Variants in MVB12B observed in about 807,000 individuals in gnomAD.
MVB12B encodes the protein multivesicular body subunit 12B.
MVB12B carries 16 observed loss-of-function variants against 41.6 expected under a neutral mutation model. That is an observed-to-expected ratio of 0.38 (90% CI 0.26 to 0.58). The LOEUF is 0.58. Ranked by LOEUF, MVB12B falls within the 20% of genes least tolerant of loss-of-function variation. The probability of loss-of-function intolerance (pLI) is 0.62; values close to 1 mark genes in which losing one functional copy is unlikely to be tolerated. For missense variants in MVB12B, 274 were observed against 380.2 expected, an observed-to-expected ratio of 0.72 and a Z score of 2.32; for synonymous variants, 133 against 139.7, an observed-to-expected ratio of 0.95 and a Z score of 0.34.
chr9:126,463,625 A>T (rs1232523321), intron 7 of MVB12B, among the ~76,000 whole-genome samples: 1 of 152,030 alleles, frequency 6.6e-6, no homozygotes, highest in Non-Finnish European at 1.5e-5. Context: ...AAGGAGGAAG[A>T]AGTCTGGGGC....
chr9:126,366,149 CCCTT>C (rs1830175560), intron 2 of MVB12B, among the ~76,000 whole-genome samples: 1 of 152,066 alleles, frequency 6.6e-6, no homozygotes, highest in Non-Finnish European at 1.5e-5. Flanking sequence ...CCGCCACCCT[CCCTT>C]CATCTCACCA....
chr9:126,336,709 C>G (rs1829289014), intron 1 of MVB12B, among the ~76,000 whole-genome samples: 1 of 151,914 alleles, frequency 6.6e-6, no homozygotes, highest in Non-Finnish European at 1.5e-5. Context: ...CCCAGCTTTC[C>G]CATTCCGTAC....
intron 6 of MVB12B, among the ~76,000 whole-genome samples, chr9:126,404,235 G>A (rs1226375087): frequency 2.0e-5 from 3 of 152,104 alleles, no homozygotes; most frequent in Non-Finnish European, 4.4e-5. Flanking sequence ...GACTACAGGC[G>A]TGAGCCACCA....
chr9:126,396,090 G>A (rs1831105176), intron 6 of MVB12B: 1 of 1,009,508 alleles, frequency 9.9e-7, no homozygotes, highest in Non-Finnish European at 1.2e-6. Flanking sequence ...GAGGGTAGGT[G>A]AGTTCTTATA....
At chr9:126,410,267 C>T (rs1306047337) in intron 6 of MVB12B, among the ~76,000 whole-genome samples, 1 of 152,024 alleles carries the variant, frequency 6.6e-6, no homozygotes, top group African/African-American at 2.4e-5. Context: ...TTGCATTGGT[C>T]GTGGCAAATG....
At chr9:126,336,566 AT>A in intron 1 of MVB12B, among the ~76,000 whole-genome samples, 1 of 152,330 alleles carries the variant, frequency 6.6e-6, no homozygotes, top group East Asian at 1.9e-4. Flanking sequence ...CCCAAGCGCT[AT>A]CTGCAGCACT....
intron 9 of MVB12B, 58 bp downstream of exon 9, chr9:126,484,090 GTC>G (rs1833585360): frequency 6.6e-7 from 1 of 1,521,474 alleles, no homozygotes; most frequent in Non-Finnish European, 9.1e-7. Context: ...GCACACCGGC[GTC>G]TCTCGTGTGT....
chr9:126,378,786 A>G (rs965951502), intron 2 of MVB12B, among the ~76,000 whole-genome samples: 2 of 152,102 alleles, frequency 1.3e-5, no homozygotes, highest in Admixed American at 6.5e-5. Context: ...GCAGACAAGG[A>G]CTGGGAGGCT....
intron 7 of MVB12B, among the ~76,000 whole-genome samples, chr9:126,426,318 T>G (rs1017915069): frequency 2.0e-5 from 3 of 152,254 alleles, no homozygotes; most frequent in Non-Finnish European, 4.4e-5. Context: ...GTTCTTACCT[T>G]GCTGACTGTA....
chr9:126,465,927 T>C (rs1280841308), intron 7 of MVB12B, among the ~76,000 whole-genome samples: 1 of 152,196 alleles, frequency 6.6e-6, no homozygotes, highest in Non-Finnish European at 1.5e-5. Context: ...CCTAGGGCTG[T>C]CTGACACCAA....
chr9:126,441,451 C>T (rs550926738), intron 7 of MVB12B, among the ~76,000 whole-genome samples: 116 of 152,308 alleles, frequency 7.6e-4, no homozygotes, highest in Non-Finnish European at 1.5e-3. Context: ...TTATCTTTGA[C>T]TTGATTAATC....
In MVB12B at chr9:126,474,650, T is replaced by G. The variant is rs1299351842; in HGVS notation, c.758-6719T>G. On this transcript the variant is annotated intron_variant, in intron 7 of 9. Coordinates refer to ENST00000361171, the MANE Select transcript of MVB12B (RefSeq NM_033446.3). ...ACCACCATGAAAACATGTGCAGACA[T>G]TTGATTATGTTCACCTCAAGTCTTC... is the stretch of plus-strand genomic sequence containing the variant. Among the ~76,000 whole-genome samples the G allele has an allele frequency of 2.0e-5, 3 of 152,194 alleles. No individual in the cohort carries two copies. The East Asian group carries it at 5.8e-4, about 29-fold the overall frequency.
chr9:126,492,039 G>T (rs1195626276), intron 9 of MVB12B, among the ~76,000 whole-genome samples: 1 of 151,308 alleles, frequency 6.6e-6, no homozygotes, highest in East Asian at 1.9e-4. Flanking sequence ...TACCAAGGTT[G>T]TCCATGTTTA....
chr9:126,500,248 G>A (rs1833925677), intron 9 of MVB12B, among the ~76,000 whole-genome samples: 1 of 152,206 alleles, frequency 6.6e-6, no homozygotes, highest in Admixed American at 6.5e-5. Context: ...GCCTCCCCCA[G>A]CCCCTCCACT....
intron 5 of MVB12B, among the ~76,000 whole-genome samples, chr9:126,393,323 G>A (rs1021471144): frequency 6.6e-6 from 1 of 152,248 alleles, no homozygotes; most frequent in African/African-American, 2.4e-5. Flanking sequence ...CCTGGCTCCG[G>A]TGCTGGGCTC....
chr9:126,404,973 G>A lies in MVB12B; in HGVS notation c.662+9276G>A, dbSNP rs138710078. On this transcript the variant is annotated intron_variant, in intron 6 of 9. Transcript: ENST00000361171. ...GGAAATTTCATTAGAATGCAGTTCG[G>A]TATTGTTAGATATGAATGATGAGTT... 3.6e-3 allele frequency among the ~76,000 whole-genome samples: 547 copies of A among 152,332 alleles called. 2 individuals carry two copies. Among genetic ancestry groups the A allele is most frequent in the African/African-American group, 0.013 (526 of 41,562 alleles).
rs1351841830 is a variant in MVB12B, at chr9:126,386,844, TCTGGG to T, written c.409+187_409+191del. On this transcript the variant is annotated intron_variant, in intron 4 of 9. Transcript: ENST00000361171. This position sits in a 1 kb window ranked among gnomAD's most constrained non-coding sequence, Gnocchi z 4.3. Reference sequence around the variant, plus strand: ...GTTCTCCAAGGAGTTTGCAGAGTATTCTGGGTAGCAGCATGTAAATGAGCAGAACG... The same window carrying T: ...GTTCTCCAAGGAGTTTGCAGAGTATTTAGCAGCATGTAAATGAGCAGAACG... Among the ~76,000 whole-genome samples the T allele has an allele frequency of 6.6e-6, 1 of 152,140 alleles. No individual in the cohort carries two copies. Among genetic ancestry groups the T allele is most frequent in the Non-Finnish European group, 1.5e-5 (1 of 68,016 alleles).
In MVB12B at chr9:126,468,313, A is replaced by G. The variant is rs989565644; in HGVS notation, c.758-13056A>G. On this transcript the variant is annotated intron_variant, in intron 7 of 9. Transcript: ENST00000361171. The surrounding 1 kb of genome is among the most constrained non-coding windows in gnomAD (Gnocchi z 4.3). Reference sequence around the variant, plus strand: ...TCCACCCGGCAGCCCTCACACACCCATCTCACATTCTCGGTCATAATGTTC... The same window carrying G: ...TCCACCCGGCAGCCCTCACACACCCGTCTCACATTCTCGGTCATAATGTTC... Among the ~76,000 whole-genome samples the G allele has an allele frequency of 6.6e-6, 1 of 151,636 alleles. No homozygotes were observed. Among genetic ancestry groups the G allele is most frequent in the Non-Finnish European group, 1.5e-5 (1 of 67,862 alleles).
At chr9:126,335,533 C>T in intron 1 of MVB12B, 2 of 597,052 alleles carry the variant, frequency 3.3e-6, no homozygotes, top group South Asian at 1.5e-5. Context: ...CTGTCCCTTG[C>T]TTGCGATTTG....
Sources: allele counts gnomAD v4.1 joint callset (sites outside exome capture counted in the v4.1 genomes callset), GRCh38; gene constraint gnomAD v4.1.1; non-coding constraint Gnocchi (gnomAD v3.1); transcripts MANE v1.5; gene names NCBI Gene and HGNC (gene_info 2026-07-23, HGNC 2026-07-21).